Variants in STK3 observed in about 807,000 individuals in gnomAD.
STK3 encodes serine/threonine-protein kinase 3.
STK3 carries 41 observed loss-of-function variants against 58.0 expected under a neutral mutation model. The ratio of observed to expected loss-of-function variants is 0.71; its 90% confidence interval spans 0.55 to 0.92. The LOEUF (loss-of-function observed/expected upper bound fraction) is 0.92. STK3 is among the 40% of genes least tolerant of loss of function. The pLI is 0.00. For missense variants in STK3, 479 were observed against 602.7 expected (o/e 0.79, Z 2.15); for synonymous variants, 170 against 191.0 (o/e 0.89, Z 0.91).
At chr8:98,494,196 T>C (rs1054064453) in intron 10 of STK3, among the ~76,000 whole-genome samples, 5 of 152,206 alleles carry the variant, frequency 3.3e-5, no homozygotes, top group Non-Finnish European at 7.3e-5. Flanking sequence ...TTTCTACCAC[T>C]TTCCAACTCA....
At chr8:98,554,157 A>G (rs1172056448) in intron 8 of STK3, among the ~76,000 whole-genome samples, 1 of 152,096 alleles carries the variant, frequency 6.6e-6, no homozygotes, top group Non-Finnish European at 1.5e-5. Flanking sequence ...TATCTACAGC[A>G]TTTCTCAAGC....
chr8:98,662,841 A>G (rs973566012), intron 6 of STK3, among the ~76,000 whole-genome samples: 7 of 151,960 alleles, frequency 4.6e-5, no homozygotes, highest in South Asian at 2.1e-4. Context: ...CAACCCCACA[A>G]CAGGCCCCGG....
At chr8:98,499,431 A>C (rs1429626390) in intron 10 of STK3, among the ~76,000 whole-genome samples, 2 of 152,186 alleles carry the variant, frequency 1.3e-5, no homozygotes, top group South Asian at 2.1e-4. Context: ...CAAAAACCTA[A>C]AACTATGAAA....
intron 10 of STK3, among the ~76,000 whole-genome samples, chr8:98,487,087 T>G (rs1822328657): frequency 6.6e-6 from 1 of 152,192 alleles, no homozygotes; most frequent in Non-Finnish European, 1.5e-5. Flanking sequence ...CAAATATTTA[T>G]TGAATAGTTA....
At chr8:98,868,058 A>C (rs1311381262) in intron 3 of STK3, among the ~76,000 whole-genome samples, 1 of 152,182 alleles carries the variant, frequency 6.6e-6, no homozygotes, top group Non-Finnish European at 1.5e-5. Flanking sequence ...GATCTGAATA[A>C]TTTTAAAAAC....
intron 3 of STK3, among the ~76,000 whole-genome samples, chr8:98,874,915 C>T (rs574723013): frequency 6.7e-6 from 1 of 149,732 alleles, no homozygotes; most frequent in Non-Finnish European, 1.5e-5. Flanking sequence ...TGAGCCACCA[C>T]AACTGGCCCT....
chr8:98,495,845 C>A (rs766623328), intron 10 of STK3, among the ~76,000 whole-genome samples: 1 of 152,090 alleles, frequency 6.6e-6, no homozygotes, highest in Non-Finnish European at 1.5e-5. Context: ...GAAGTTCATA[C>A]TACACAATAA....
intron 4 of STK3, among the ~76,000 whole-genome samples, chr8:98,740,934 G>C (rs1348690365): frequency 5.9e-5 from 9 of 151,792 alleles, no homozygotes; most frequent in Non-Finnish European, 1.5e-5. Flanking sequence ...AAAAAGGCAG[G>C]GGTTGCAATC....
chr8:98,531,551 G>T (rs1188967597), intron 9 of STK3, among the ~76,000 whole-genome samples: 1 of 152,166 alleles, frequency 6.6e-6, no homozygotes, highest in Non-Finnish European at 1.5e-5. Context: ...AGGGCCCTAG[G>T]ATTTTCAAAA....
chr8:98,759,760 T>C (rs990262048), intron 3 of STK3, among the ~76,000 whole-genome samples: 1 of 152,228 alleles, frequency 6.6e-6, no homozygotes, highest in Non-Finnish European at 1.5e-5. Context: ...GAATTTTGAC[T>C]AAGCCAGTAT....
Position 98,588,637 on chromosome 8 carries a change from G to A in STK3, c.822+7395C>T, listed in dbSNP as rs565587213. ...TTCTCTGTATTTCCTGAATCTGAACGTTGGCCTGCCTTGCTAGATTGGGGA... is the reference window on the plus strand; with the variant it reads ...TTCTCTGTATTTCCTGAATCTGAACATTGGCCTGCCTTGCTAGATTGGGGA... On this transcript the variant is annotated intron_variant, in intron 7 of 10. Coordinates refer to ENST00000419617, the MANE Select transcript of STK3 (RefSeq NM_006281.4). Among the ~76,000 whole-genome samples, 8 of 151,846 alleles carry A rather than the reference G, an allele frequency of 5.3e-5. No individual in the cohort carries two copies. In the East Asian group the frequency reaches 7.7e-4, roughly 15 times the overall value.
intron 1 of STK3, among the ~76,000 whole-genome samples, chr8:98,942,090 G>A (rs979539973): frequency 8.2e-4 from 125 of 152,362 alleles, no homozygotes; most frequent in African/African-American, 2.9e-3. Flanking sequence ...GGCGAGCCTG[G>A]CGGGTGACCT....
At chr8:98,678,200 A>G (rs1455883269) in intron 6 of STK3, among the ~76,000 whole-genome samples, 1 of 152,186 alleles carries the variant, frequency 6.6e-6, no homozygotes, top group African/African-American at 2.4e-5. Flanking sequence ...GATAGGATGT[A>G]CAAATGCAAT....
chr8:98,660,513 A>T (rs1327844491), intron 6 of STK3, among the ~76,000 whole-genome samples: 2 of 152,094 alleles, frequency 1.3e-5, no homozygotes, highest in Non-Finnish European at 2.9e-5. Context: ...GGTACATCTT[A>T]CAGGTAAAAC....
intron 2 of STK3, among the ~76,000 whole-genome samples, chr8:98,769,703 G>A (rs965852013): frequency 7.4e-4 from 112 of 152,266 alleles, no homozygotes; most frequent in African/African-American, 2.6e-3. Context: ...TAGTTGCCTG[G>A]AGTCTAAGCA....
chr8:98,528,795 G>T (rs1006429004), intron 9 of STK3, among the ~76,000 whole-genome samples: 1 of 152,134 alleles, frequency 6.6e-6, no homozygotes, highest in African/African-American at 2.4e-5. Context: ...TTTTTAAAAC[G>T]TAAAATTGAA....
chr8:98,897,992 T>TGG, intron 1 of STK3, among the ~76,000 whole-genome samples: 1 of 152,364 alleles, frequency 6.6e-6, no homozygotes, highest in Non-Finnish European at 1.5e-5. Context: ...ACTAGTCATG[T>TGG]GGTCCTTTTA....
At chr8:98,914,461 TAC>T (rs34753292) in intron 1 of STK3, among the ~76,000 whole-genome samples, 17,621 of 143,422 alleles carry the variant, frequency 0.12, 1,030 homozygotes, top group African/African-American at 0.15. Flanking sequence ...AGCACATGCC[TAC>T]ACACACACAC....
At chr8:98,937,980 T>C (rs1840255137) in intron 1 of STK3, among the ~76,000 whole-genome samples, 5 of 152,214 alleles carry the variant, frequency 3.3e-5, no homozygotes, top group Admixed American at 3.3e-4. Context: ...CTGTAACATC[T>C]TATATTTTGA....
Sources: gnomAD v4.1 joint callset for allele counts (sites outside exome capture counted in the v4.1 genomes callset) on GRCh38, gnomAD v4.1.1 for gene constraint, MANE v1.5 for transcripts, NCBI Gene and HGNC (gene_info 2026-07-23, HGNC 2026-07-21) for gene names.